CSMD1: variants seen among roughly 807,000 people sequenced by gnomAD.
The protein encoded by CSMD1 is CUB and Sushi multiple domains 1.
A neutral mutation model predicts 417.5 loss-of-function variants in CSMD1; 213 were observed. The ratio of observed to expected loss-of-function variants is 0.51; its 90% CI spans 0.46 to 0.57. The LOEUF (loss-of-function observed/expected upper bound fraction) is 0.57, where lower values mean the gene tolerates loss of function less well. Among genes scored for constraint, CSMD1 ranks in the 20% least tolerant of loss-of-function variants. CSMD1 has a pLI of 0.00. For synonymous variants in CSMD1, 2,862 were observed against 1,736.8 expected, an observed-to-expected ratio of 1.65 and a Z score of -16.11; for missense variants, 6,923 against 4,529.7, an observed-to-expected ratio of 1.53 and a Z score of -15.17.
intron 1 of CSMD1, among the ~76,000 whole-genome samples, chr8:4,640,742 G>T (rs1005686543): frequency 2.0e-5 from 3 of 151,634 alleles, no homozygotes; most frequent in African/African-American, 7.3e-5. Flanking sequence ...TCCCTTGTAA[G>T]TACCTTTGTA....
chr8:3,672,954 T>C (rs1799156973), intron 7 of CSMD1, among the ~76,000 whole-genome samples: 1 of 152,198 alleles, frequency 6.6e-6, no homozygotes, highest in South Asian at 2.1e-4. Flanking sequence ...CAATAACTTA[T>C]CTCGTTATTC....
At chr8:4,531,226 C>A (rs185134670) in intron 2 of CSMD1, among the ~76,000 whole-genome samples, 3 of 152,182 alleles carry the variant, frequency 2.0e-5, no homozygotes, top group Admixed American at 2.0e-4. Context: ...CATTTTTAGC[C>A]ACACTGATAG....
At position 3,219,241 on chromosome 8, in the gene CSMD1, G is replaced by A. The variant is rs1235232537; in HGVS notation, c.4672+14C>T. 6.4e-7 allele frequency: 1 copy of A among 1,573,546 alleles called. No individual in the cohort carries two copies. Among genetic ancestry groups the A allele is most frequent in the African/African-American group, 1.3e-5 (1 of 74,200 alleles). On this transcript the variant is annotated intron_variant, in intron 29 of 69. Coordinates refer to ENST00000635120, the MANE Select transcript of CSMD1 (RefSeq NM_033225.6). Reference sequence around the variant, plus strand: ...ACAAATTAATTCCCACTCAAATTCAGGCAATCGCAATACCTTTAAATTCAA... The same window carrying A: ...ACAAATTAATTCCCACTCAAATTCAAGCAATCGCAATACCTTTAAATTCAA...
At chr8:4,867,943 T>G (rs1802513829) in intron 1 of CSMD1, among the ~76,000 whole-genome samples, 1 of 129,622 alleles carries the variant, frequency 7.7e-6, no homozygotes, top group South Asian at 3.0e-4. Context: ...TACGTGTGTG[T>G]GTTTCTACAA....
At chr8:3,369,603 C>T (rs932796636) in intron 18 of CSMD1, among the ~76,000 whole-genome samples, 21 of 152,176 alleles carry the variant, frequency 1.4e-4, no homozygotes, top group Non-Finnish European at 2.9e-5. Flanking sequence ...GAATAAGGCA[C>T]AGCAGGAGAG....
intron 3 of CSMD1, among the ~76,000 whole-genome samples, chr8:4,281,358 A>G (rs896071502): frequency 2.6e-5 from 4 of 152,220 alleles, no homozygotes; most frequent in African/African-American, 7.2e-5. Context: ...AGATGACGGC[A>G]TAAGGTCTTT....
At chr8:3,429,606 G>A (rs757892085) in intron 12 of CSMD1, among the ~76,000 whole-genome samples, 118 of 152,278 alleles carry the variant, frequency 7.7e-4, no homozygotes, top group Non-Finnish European at 1.3e-4. Context: ...TCAATATCTT[G>A]ACGAGGGGTG....
At chr8:3,740,891 G>A (rs922628428) in intron 6 of CSMD1, among the ~76,000 whole-genome samples, 2 of 152,082 alleles carry the variant, frequency 1.3e-5, no homozygotes, top group African/African-American at 4.8e-5. Context: ...CAGCTTCTGT[G>A]CCCAGGGGTG....
intron 3 of CSMD1, among the ~76,000 whole-genome samples, chr8:4,223,278 AC>A (rs1801148604): frequency 6.6e-6 from 1 of 152,148 alleles, no homozygotes; most frequent in African/African-American, 2.4e-5. Flanking sequence ...GAGCATCCAG[AC>A]TTTTTGCCTC....
At chr8:3,250,723 G>A (rs1374448231) in intron 26 of CSMD1, among the ~76,000 whole-genome samples, 1 of 152,096 alleles carries the variant, frequency 6.6e-6, no homozygotes, top group African/African-American at 2.4e-5. Context: ...AGCACCTGTT[G>A]TTTCCTGACT....
intron 3 of CSMD1, among the ~76,000 whole-genome samples, chr8:4,190,038 C>A (rs1191699652): frequency 6.6e-6 from 1 of 151,714 alleles, no homozygotes; most frequent in East Asian, 1.9e-4. Context: ...GCAGGTAGAA[C>A]ACGAGGTCAG....
intron 11 of CSMD1, among the ~76,000 whole-genome samples, chr8:3,493,355 C>G (rs117326611): frequency 2.0e-5 from 3 of 150,054 alleles, no homozygotes; most frequent in Non-Finnish European, 3.0e-5. Flanking sequence ...TTGTTTTTTG[C>G]TACCTCATGA....
rs1336592303 is a variant in CSMD1 at position 4,051,840 on chromosome 8, C to CT, written c.416-19742dup. The stretch of plus-strand genomic sequence containing the variant: ...TTCTTCTCTTTCTTCTCTTTCTTTT[C>CT]TTTCTTTTCTTTTCTCTTTCTTTCT... On this transcript the variant is annotated intron_variant, in intron 3 of 69. Transcript: ENST00000635120. 2.3e-4 allele frequency among the ~76,000 whole-genome samples: 29 copies of CT among 128,460 alleles called. 1 individual carries two copies. The highest frequency in any genetic ancestry group is 4.2e-3 in the Middle Eastern group (1 of 236). The allele number at this position is 128,460 out of a possible 152,430, so 84.3% of individuals were successfully genotyped here.
intron 3 of CSMD1, among the ~76,000 whole-genome samples, chr8:4,371,092 G>T (rs73175782): frequency 6.6e-6 from 1 of 152,144 alleles, no homozygotes; most frequent in East Asian, 1.9e-4. Flanking sequence ...TTTAGATGGG[G>T]CATTTTGTTT....
chr8:3,108,873 T>C (rs1816322778), intron 43 of CSMD1, 125 bp from the exon 44 acceptor site: 1 of 933,400 alleles, frequency 1.1e-6, no homozygotes. Context: ...CTCAGGATAC[T>C]GTGTTTGTAA....
chr8:3,840,942 G>A (rs868676156), intron 5 of CSMD1, among the ~76,000 whole-genome samples: 12 of 151,890 alleles, frequency 7.9e-5, no homozygotes, highest in African/African-American at 2.4e-4. Flanking sequence ...CCTGAACTCA[G>A]GTGATCCTCC....
chr8:3,232,081 T>C (rs1312563849), intron 26 of CSMD1, among the ~76,000 whole-genome samples: 1 of 152,090 alleles, frequency 6.6e-6, no homozygotes, highest in African/African-American at 2.4e-5. Context: ...AGCAATAGAG[T>C]ATTTACCAAT....
chr8:4,351,384 C>G (rs540748688), intron 3 of CSMD1, among the ~76,000 whole-genome samples: 1 of 152,356 alleles, frequency 6.6e-6, no homozygotes, highest in East Asian at 1.9e-4. Flanking sequence ...CTCCTCTCTT[C>G]TCGTCTCATA....
intron 48 of CSMD1, 76 bp from the exon 49 acceptor site, chr8:3,087,361 C>G: frequency 1.4e-6 from 2 of 1,432,332 alleles, no homozygotes; most frequent in Admixed American, 1.8e-5. Context: ...TTGTGAGAGT[C>G]TATAAATGAA....
Sources: allele counts gnomAD v4.1 joint callset (sites outside exome capture counted in the v4.1 genomes callset), GRCh38; gene constraint gnomAD v4.1.1; transcripts MANE v1.5; gene names NCBI Gene and HGNC (gene_info 2026-07-23, HGNC 2026-07-21).